Variants in PPP2R2C observed in about 807,000 individuals in gnomAD.
PPP2R2C encodes protein phosphatase 2, regulatory subunit B, gamma.
Under a neutral mutation model 45.3 loss-of-function variants are expected in PPP2R2C, and 10 were observed. The observed-to-expected ratio is 0.22, with a 90% CI of 0.14 to 0.37. PPP2R2C has a LOEUF of 0.37. Ranked by LOEUF, PPP2R2C falls within the 10% of genes least tolerant of loss-of-function variation. The pLI is 1.00. For synonymous variants in PPP2R2C, 257 were observed against 245.4 expected, an observed-to-expected ratio of 1.05 and a Z score of -0.44; for missense variants, 308 against 619.7, an observed-to-expected ratio of 0.50 and a Z score of 5.34.
intron 1 of PPP2R2C, among the ~76,000 whole-genome samples, chr4:6,415,932 T>C (rs1335552863): frequency 6.6e-6 from 1 of 152,212 alleles, no homozygotes; most frequent in Non-Finnish European, 1.5e-5. Flanking sequence ...TTCTCTCAAC[T>C]GGTCCAACTC....
At chr4:6,523,075 G>A (rs1399048792) in intron 2 of PPP2R2C, among the ~76,000 whole-genome samples, 1 of 152,222 alleles carries the variant, frequency 6.6e-6, no homozygotes, top group African/African-American at 2.4e-5. Flanking sequence ...GTTTCTCCAA[G>A]TGCGGTTCCA....
rs879851856 is a variant in PPP2R2C at position 6,459,793 on chromosome 4, AC to A, written c.70+12366del. Among the ~76,000 whole-genome samples the A allele has an allele frequency of 3.2e-3, 484 of 151,652 alleles. 2 individuals are homozygous for A. Among genetic ancestry groups the A allele is most frequent in the Non-Finnish European group, 5.3e-3 (357 of 67,830 alleles). On this transcript the variant is annotated intron_variant, in intron 1 of 8. Coordinates refer to ENST00000382599, the MANE Select transcript of PPP2R2C (RefSeq NM_020416.4). ...CAGAGCAAGCCTCTGTCACACACAC[AC>A]AAAAAAACAGCAATTTTTACCATAA...
chr4:6,529,743 T>C (rs1369888482), intron 2 of PPP2R2C, among the ~76,000 whole-genome samples: 3 of 152,242 alleles, frequency 2.0e-5, no homozygotes, highest in African/African-American at 7.2e-5. Flanking sequence ...TGCCCACTGC[T>C]GTGGCCCCAG....
intron 1 of PPP2R2C, among the ~76,000 whole-genome samples, chr4:6,432,149 T>C (rs1719660775): frequency 6.6e-6 from 1 of 152,204 alleles, no homozygotes; most frequent in Admixed American, 6.5e-5. Flanking sequence ...GATGAGCGCC[T>C]CTCTGGCTAC....
intron 1 of PPP2R2C, among the ~76,000 whole-genome samples, chr4:6,553,119 G>C (rs2108841352): frequency 6.6e-6 from 1 of 152,336 alleles, no homozygotes; most frequent in African/African-American, 2.4e-5. Context: ...AGAGAACTGG[G>C]ACCATGAGAC....
chr4:6,488,240 G>C (rs1287541880), intron 2 of PPP2R2C, among the ~76,000 whole-genome samples: 4 of 152,120 alleles, frequency 2.6e-5, no homozygotes, highest in Non-Finnish European at 4.4e-5. Context: ...CCTTCATTAT[G>C]ATTTGCATTT....
chr4:6,356,253 G>A (rs1188288949), intron 5 of PPP2R2C, among the ~76,000 whole-genome samples: 7 of 152,166 alleles, frequency 4.6e-5, no homozygotes, highest in Non-Finnish European at 7.3e-5. Flanking sequence ...AGTACCTGTC[G>A]CAGCTAACAC....
At chr4:6,388,449 T>G (rs1303468971) in intron 1 of PPP2R2C, among the ~76,000 whole-genome samples, 4 of 152,212 alleles carry the variant, frequency 2.6e-5, no homozygotes, top group African/African-American at 7.2e-5. Flanking sequence ...ATAGAGTCTT[T>G]GCAGATGATC....
At chr4:6,539,123 T>A (rs1216758336) in intron 1 of PPP2R2C, among the ~76,000 whole-genome samples, 1 of 150,966 alleles carries the variant, frequency 6.6e-6, no homozygotes, top group Non-Finnish European at 1.5e-5. Flanking sequence ...TAATCCAATA[T>A]GCCTGATGTC....
chr4:6,383,626 T>C, intron 1 of PPP2R2C: 1 of 495,732 alleles, frequency 2.0e-6, no homozygotes, highest in South Asian at 2.0e-5. Flanking sequence ...TTGCTGAAAC[T>C]GCTGTCTGCA....
chr4:6,422,815 C>T (rs1351990103), intron 1 of PPP2R2C, among the ~76,000 whole-genome samples: 1 of 152,194 alleles, frequency 6.6e-6, no homozygotes, highest in African/African-American at 2.4e-5. Flanking sequence ...AGGACTTCAA[C>T]ATGTGAGTTT....
rs571897779 is a variant in PPP2R2C at position 6,335,562 on chromosome 4, C to T, written c.791-1831G>A. Reference sequence around the variant, plus strand: ...AAGTCACCATTAGGGAAACGGGAGCCACTGAGGGTTCAGAGACAGGGAGGA... The same window carrying T: ...AAGTCACCATTAGGGAAACGGGAGCTACTGAGGGTTCAGAGACAGGGAGGA... On this transcript the variant is annotated intron_variant, in intron 6 of 8. Transcript: ENST00000382599. Among the ~76,000 whole-genome samples the T allele has an allele frequency of 4.9e-4, 74 of 152,202 alleles. 1 individual carries two copies. Among genetic ancestry groups the T allele is most frequent in the African/African-American group, 1.6e-3 (67 of 41,534 alleles).
intron 1 of PPP2R2C, among the ~76,000 whole-genome samples, chr4:6,441,422 G>A (rs1354203689): frequency 6.6e-6 from 1 of 152,004 alleles, no homozygotes; most frequent in Non-Finnish European, 1.5e-5. Context: ...GAGCCCCATG[G>A]GGCCTCCATC....
chr4:6,423,062 GA>G (rs1719079171), intron 1 of PPP2R2C, among the ~76,000 whole-genome samples: 1 of 152,156 alleles, frequency 6.6e-6, no homozygotes, highest in Non-Finnish European at 1.5e-5. Flanking sequence ...CTGGCTCCCC[GA>G]TGGCTGTGCC....
chr4:6,474,181 C>G (rs1366311862), upstream of PPP2R2C, among the ~76,000 whole-genome samples: 2 of 151,740 alleles, frequency 1.3e-5, no homozygotes, highest in Non-Finnish European at 2.9e-5. Flanking sequence ...TCTCTCTCAC[C>G]TGTCTGCTCA....
In PPP2R2C at chr4:6,477,814, C is replaced by T. The variant is rs181772643; in HGVS notation, c.49+57457G>A. Among the ~76,000 whole-genome samples the T allele has an allele frequency of 2.1e-3, 324 of 152,106 alleles. No homozygotes were observed. The Middle Eastern group carries it at 0.027, about 13-fold the overall frequency. The stretch of plus-strand genomic sequence containing the variant: ...TGCACTGGAGTCATCCCGACTCCCA[C>T]GCCTTCACCCCCCACAGCCTGTCCT... On this transcript the variant is annotated intron_variant, in intron 2 of 9. Transcript: ENST00000506140.
intron 1 of PPP2R2C, among the ~76,000 whole-genome samples, chr4:6,467,658 T>C (rs966691147): frequency 2.6e-5 from 4 of 152,142 alleles, no homozygotes; most frequent in African/African-American, 9.7e-5. Context: ...AGCCTCCTGG[T>C]TTTCTTGATA....
At chr4:6,458,899 T>C (rs998821049) in intron 1 of PPP2R2C, among the ~76,000 whole-genome samples, 1 of 152,110 alleles carries the variant, frequency 6.6e-6, no homozygotes, top group African/African-American at 2.4e-5. Flanking sequence ...GCAACAGAGA[T>C]TGACCCAGGC....
intron 2 of PPP2R2C, among the ~76,000 whole-genome samples, chr4:6,509,835 G>A (rs983651756): frequency 2.6e-5 from 4 of 152,176 alleles, no homozygotes; most frequent in African/African-American, 9.7e-5. Context: ...ACCTTCCTGG[G>A]CTGTCACAAG....
Sources: allele counts gnomAD v4.1 joint callset (sites outside exome capture counted in the v4.1 genomes callset), GRCh38; gene constraint gnomAD v4.1.1; transcripts MANE v1.5; gene names NCBI Gene and HGNC (gene_info 2026-07-23, HGNC 2026-07-21).